Variants in SLC27A2 observed in about 807,000 individuals in gnomAD.
SLC27A2 encodes long-chain fatty acid transport protein 2.
SLC27A2 carries 54 observed loss-of-function variants against 60.0 expected under a neutral mutation model. The ratio of observed to expected loss-of-function variants is 0.90; its 90% CI spans 0.72 to 1.13. The LOEUF (loss-of-function observed/expected upper bound fraction) is 1.13, where lower values mean the gene tolerates loss of function less well. Ranked by LOEUF, SLC27A2 falls within the 50% of genes most tolerant of loss-of-function variation. SLC27A2 has a pLI of 0.00. For synonymous variants in SLC27A2, 297 were observed against 297.6 expected (o/e 1.00, Z 0.02); for missense variants, 739 against 777.6 (o/e 0.95, Z 0.59).
At chr15:50,198,446 A>C (rs2045041306) in intron 2 of SLC27A2, 1 of 152,184 alleles carries the variant, frequency 6.6e-6, no homozygotes, top group Admixed American at 6.5e-5. Flanking sequence ...TTAGAGATTC[A>C]GAAAATGATG....
intron 1 of SLC27A2, among the ~76,000 whole-genome samples, chr15:50,194,831 T>C (rs889779746): frequency 2.0e-5 from 3 of 152,044 alleles, no homozygotes; most frequent in African/African-American, 7.3e-5. Context: ...ATAAAGATTC[T>C]TGGGGCAAAA....
chr15:50,223,088 G>A lies in SLC27A2; in HGVS notation c.1096G>A (p.Glu366Lys), dbSNP rs754606073. 2 of 1,614,038 alleles carry A rather than the reference G, an allele frequency of 1.2e-6. No homozygotes were observed. ...CATCTATGAGTTCTATGCTGCCACTGAAGGCAATATTGGATTTATGAATTA... is the reference window on the plus strand; with the variant it reads ...CATCTATGAGTTCTATGCTGCCACTAAAGGCAATATTGGATTTATGAATTA... Reference protein sequence around the residue: ...ICIYEFYAATEGNIGFMNYAR... With the variant: ...ICIYEFYAATKGNIGFMNYAR... The change falls in exon 5 of 10, where the codon GAA becomes AAA. Residue 366 changes from glutamate (E) to lysine (K), a missense_variant. Glu to Lys is a moderately conservative substitution (Grantham distance 56). Transcript: ENST00000267842.
At chr15:50,220,692 G>A (rs2045236427) in intron 4 of SLC27A2, among the ~76,000 whole-genome samples, 1 of 152,180 alleles carries the variant, frequency 6.6e-6, no homozygotes, top group African/African-American at 2.4e-5. Flanking sequence ...AATACTGACA[G>A]TCCTTATGGA....
chr15:50,192,935 A>G (rs1285730592), intron 1 of SLC27A2, among the ~76,000 whole-genome samples: 2 of 151,882 alleles, frequency 1.3e-5, no homozygotes, highest in Non-Finnish European at 2.9e-5. Flanking sequence ...CCTACCAGAT[A>G]TCTCTTAAGT....
chr15:50,196,311 A>C (rs2045023386), intron 1 of SLC27A2, among the ~76,000 whole-genome samples: 1 of 151,210 alleles, frequency 6.6e-6, no homozygotes, highest in Non-Finnish European at 1.5e-5. Flanking sequence ...CCCAGTACCC[A>C]CACACCCACA....
chr15:50,192,039 G>A (rs8029275), intron 1 of SLC27A2, among the ~76,000 whole-genome samples: 129 of 146,814 alleles, frequency 8.8e-4, no homozygotes, highest in African/African-American at 3.2e-3. Context: ...CAGCCTGGAT[G>A]ACAGAGTGAG....
At chr15:50,223,663 C>T (rs983892347) in intron 5 of SLC27A2, among the ~76,000 whole-genome samples, 1 of 152,164 alleles carries the variant, frequency 6.6e-6, no homozygotes, top group African/African-American at 2.4e-5. Context: ...AATAATTCCA[C>T]CAGAAAGATA....
Position 50,223,105 on chromosome 15 carries a change from T to G in SLC27A2, c.1113T>G (p.Phe371Leu). ...FYAATEGNIG[F>L]MNYARKVGAV... is the part of the protein sequence containing the mutation. ...CTGCCACTGAAGGCAATATTGGATT[T>G]ATGAATTATGCGAGAAAAGTTGGTG... is the stretch of plus-strand genomic sequence containing the variant. The change falls in exon 5 of 10, where the codon TTT becomes TTG. Residue 371 changes from phenylalanine (F) to leucine (L), a missense_variant. Physicochemically the swap from Phe to Leu is conservative, Grantham distance 22 (BLOSUM62 0). Transcript: ENST00000267842. The G allele has an allele frequency of 6.2e-7, 1 of 1,613,928 alleles. No homozygotes were observed. Among genetic ancestry groups the G allele is most frequent in the South Asian group, 1.1e-5 (1 of 91,020 alleles).
chr15:50,216,632 A>G lies in SLC27A2; in HGVS notation c.973-6333A>G, dbSNP rs1241655284. Among the ~76,000 whole-genome samples the G allele has an allele frequency of 1.1e-3, 147 of 129,760 alleles. 5 individuals are homozygous for G. Among genetic ancestry groups the G allele is most frequent in the African/African-American group, 1.9e-3 (70 of 36,050 alleles). 85.1% of individuals were successfully genotyped at this position (129,760 alleles called of 152,430 possible). A position where few individuals can be genotyped will look rare whatever the true frequency, so the allele number is the denominator to read the frequency against. On this transcript the variant is annotated intron_variant, in intron 4 of 9. Coordinates refer to ENST00000267842, the MANE Select transcript of SLC27A2 (RefSeq NM_003645.4). ...TGTGTATATATATATATATATATAT[A>G]TATATATATATATATATATATATAG...
Position 50,202,642 on chromosome 15 carries a change from GC to G in SLC27A2, c.845del (p.Ala282ValfsTer52). ...GATTGGCATTCACGGATGTATTGTG[GC>G]TGGTAAGCTTTTTCTACAAAATGTT... ...LLIGIHGCIV[A>X]GATLALRTKF... On this transcript the variant is annotated frameshift_variant and splice_region_variant, in exon 3 of 10. Coordinates refer to ENST00000267842, the MANE Select transcript of SLC27A2 (RefSeq NM_003645.4). LOFTEE classifies it high-confidence loss of function. The G allele has an allele frequency of 6.2e-7, 1 of 1,611,528 alleles. No individual in the cohort carries two copies. Among genetic ancestry groups the G allele is most frequent in the Non-Finnish European group, 8.5e-7 (1 of 1,177,824 alleles).
At chr15:50,199,409 C>T (rs2045047585) in intron 2 of SLC27A2, among the ~76,000 whole-genome samples, 1 of 146,074 alleles carries the variant, frequency 6.8e-6, no homozygotes, top group Admixed American at 7.1e-5. Flanking sequence ...ACCAGGGAGG[C>T]GGAGCTTGCA....
At chr15:50,194,647 G>T (rs972608452) in intron 1 of SLC27A2, among the ~76,000 whole-genome samples, 13 of 152,164 alleles carry the variant, frequency 8.5e-5, no homozygotes, top group Non-Finnish European at 1.9e-4. Flanking sequence ...TGGTCAGGAG[G>T]CTATAGCAAT....
intron 3 of SLC27A2, among the ~76,000 whole-genome samples, chr15:50,203,367 A>G (rs944164056): frequency 2.0e-5 from 2 of 99,126 alleles, no homozygotes; most frequent in Non-Finnish European, 4.7e-5. Context: ...GAAGATGGCA[A>G]CTCCATCAGA....
intron 1 of SLC27A2, among the ~76,000 whole-genome samples, chr15:50,186,396 A>G (rs1216318696): frequency 2.0e-5 from 3 of 151,550 alleles, no homozygotes; most frequent in African/African-American, 4.8e-5. Context: ...GCTTTGAGAA[A>G]CAGTCTAGTT....
Position 50,182,391 on chromosome 15 carries a change from C to G in SLC27A2, c.-37C>G, listed in dbSNP as rs759815528. ...CCGCGCTGCACGCCCGGGGTGAACC[C>G]TCTGCCCTCGCTGGGACAGAGGGCC... On this transcript the variant is annotated 5_prime_UTR_variant, in exon 1 of 10. Coordinates refer to ENST00000267842, the MANE Select transcript of SLC27A2 (RefSeq NM_003645.4). 77 of 1,540,988 alleles carry G rather than the reference C, an allele frequency of 5.0e-5. No homozygotes were observed. Among genetic ancestry groups the G allele is most frequent in the Non-Finnish European group, 6.3e-5 (72 of 1,142,212 alleles).
At chr15:50,219,593 T>G (rs1206491474) in intron 4 of SLC27A2, among the ~76,000 whole-genome samples, 1 of 152,204 alleles carries the variant, frequency 6.6e-6, no homozygotes, top group Non-Finnish European at 1.5e-5. Flanking sequence ...AGCAACCGTT[T>G]TGCTACCTTT....
At chr15:50,188,780 C>T (rs780617699) in intron 1 of SLC27A2, among the ~76,000 whole-genome samples, 8 of 152,054 alleles carry the variant, frequency 5.3e-5, no homozygotes, top group Non-Finnish European at 1.0e-4. Context: ...GCCAACATGG[C>T]GAAACCCTGT....
intron 5 of SLC27A2, among the ~76,000 whole-genome samples, chr15:50,223,985 G>A (rs1198345853): frequency 6.6e-6 from 1 of 152,206 alleles, no homozygotes; most frequent in African/African-American, 2.4e-5. Flanking sequence ...AGCCCTGGCT[G>A]TGGAGAGCAA....
intron 5 of SLC27A2, among the ~76,000 whole-genome samples, chr15:50,225,472 TAATATA>T (rs2045272159): frequency 6.6e-6 from 1 of 152,210 alleles, no homozygotes; most frequent in African/African-American, 2.4e-5. Context: ...AGTGTCATAT[TAATATA>T]AGGTTATACA....
Sources: allele counts gnomAD v4.1 joint callset (sites outside exome capture counted in the v4.1 genomes callset), GRCh38; gene constraint gnomAD v4.1.1; transcripts MANE v1.5; gene names NCBI Gene and HGNC (gene_info 2026-07-23, HGNC 2026-07-21).